Variants in CRYBG3 observed in about 807,000 individuals in gnomAD.
The protein encoded by CRYBG3 is very large A-kinase anchor protein.
Under a neutral mutation model 244.2 loss-of-function variants are expected in CRYBG3, and 127 were observed. That is an observed-to-expected ratio of 0.52 (90% CI 0.45 to 0.60). The LOEUF is 0.60. Ranked by LOEUF, CRYBG3 falls within the 20% of genes least tolerant of loss-of-function variation. The pLI, the probability that CRYBG3 is intolerant of heterozygous loss-of-function variation, is 0.00. For synonymous variants in CRYBG3, 1,132 were observed against 1,195.8 expected, an observed-to-expected ratio of 0.95 and a Z score of 1.10; for missense variants, 3,325 against 3,442.5, an observed-to-expected ratio of 0.97 and a Z score of 0.85.
Position 97,872,889 on chromosome 3 carries a change from C to A in CRYBG3, c.1695C>A (p.Thr565=), listed in dbSNP as rs1189588432. Residue 565 remains threonine, a synonymous_variant, in exon 4 of 22, where the codon ACC becomes ACA. Transcript: ENST00000389622. ...AAGATACTGACCAATACTTTGAAAC[C>A]AAAGCCAAAAAGCTTGATTTTAGGT... ...LPKDTDQYFE[T]KAKKLDFRSH... is the part of the protein sequence containing the mutation. 1 of 1,530,484 alleles carries A rather than the reference C, an allele frequency of 6.5e-7. No homozygotes were observed. Among genetic ancestry groups the A allele is most frequent in the Non-Finnish European group, 8.7e-7 (1 of 1,145,508 alleles). 94.8% of individuals were successfully genotyped at this position (1,530,484 alleles called of 1,614,324 possible).
Position 97,875,015 on chromosome 3 carries a change from AAG to A in CRYBG3, c.3825_3826del (p.Lys1276AlafsTer9), listed in dbSNP as rs1187324993. 6.5e-7 allele frequency: 1 copy of A among 1,535,894 alleles called. No homozygotes were observed. Among genetic ancestry groups the A allele is most frequent in the Non-Finnish European group, 8.7e-7 (1 of 1,146,814 alleles). Reference sequence around the variant, plus strand: ...GGCATGGAAAACATGTCAGAAGTCAAAGAGAAGCCCTGTGTTTCACCAACAGT... The same window carrying A: ...GGCATGGAAAACATGTCAGAAGTCAAAGAAGCCCTGTGTTTCACCAACAGT... On this transcript the variant is annotated frameshift_variant, in exon 4 of 22. Coordinates refer to ENST00000389622, the MANE Select transcript of CRYBG3 (RefSeq NM_153605.4). LOFTEE classifies it high-confidence loss of function.
chr3:97,893,068 C>T, intron 11 of CRYBG3, 75 bp downstream of exon 11: 1 of 1,300,928 alleles, frequency 7.7e-7, no homozygotes, highest in Non-Finnish European at 1.1e-6. Context: ...CTAAGCAAAG[C>T]AAAAATGATT....
chr3:97,828,339 C>T (rs1185351424), intron 1 of CRYBG3, among the ~76,000 whole-genome samples: 1 of 151,986 alleles, frequency 6.6e-6, no homozygotes, highest in Non-Finnish European at 1.5e-5. Context: ...CCAAAAGTTG[C>T]CTATAGAAGT....
chr3:97,912,304 C>A, intron 16 of CRYBG3, 28 bp downstream of exon 16: 1 of 1,180,180 alleles, frequency 8.5e-7, no homozygotes, highest in Non-Finnish European at 1.2e-6. Context: ...GTGGTTTCTG[C>A]TGTTATTTAA....
rs938431731 is a variant in CRYBG3 at position 97,864,589 on chromosome 3, G to A, written c.589G>A (p.Asp197Asn). The A allele has an allele frequency of 6.5e-7, 1 of 1,535,698 alleles. No homozygotes were observed. Among genetic ancestry groups the A allele is most frequent in the Non-Finnish European group, 8.7e-7 (1 of 1,146,732 alleles). ...AGACTCTAACTCATCCGAACTCTCA[G>A]ATGCTTTTTCTTTGGATACAACACA... The part of the protein sequence containing the change: ...EQDSNSSELS[D>N]AFSLDTTQDS... Residue 197 changes from aspartate to asparagine, a missense_variant, in exon 3 of 22, where the codon GAT becomes AAT. Asp to Asn is a conservative substitution (Grantham distance 23, BLOSUM62 1). Coordinates refer to ENST00000389622, the MANE Select transcript of CRYBG3 (RefSeq NM_153605.4).
intron 1 of CRYBG3, 73 bp downstream of exon 1, chr3:97,822,428 C>G (rs988907438): frequency 2.3e-5 from 30 of 1,327,358 alleles, no homozygotes; most frequent in Admixed American, 6.4e-5. Flanking sequence ...GCCTGACCGC[C>G]GGCAGCGGGC....
chr3:97,889,150 C>T (rs2039543083), intron 9 of CRYBG3, among the ~76,000 whole-genome samples: 1 of 152,138 alleles, frequency 6.6e-6, no homozygotes, highest in South Asian at 2.1e-4. Context: ...GCCCCATCTA[C>T]ATTGATGAGG....
chr3:97,884,521 T>C (rs1413439638), intron 7 of CRYBG3, among the ~76,000 whole-genome samples: 1 of 152,176 alleles, frequency 6.6e-6, no homozygotes. Context: ...GCCATAATAG[T>C]ATAAGTTTGC....
At chr3:97,860,730 A>G (rs1013236405) in intron 2 of CRYBG3, among the ~76,000 whole-genome samples, 19 of 152,046 alleles carry the variant, frequency 1.2e-4, no homozygotes, top group Admixed American at 1.0e-3. Context: ...GATCTCTGGT[A>G]TTCTATAGAG....
At position 97,936,597 on chromosome 3, in the gene CRYBG3, A is replaced by G. The variant is rs573519152; in HGVS notation, c.8382-188A>G. Among the ~76,000 whole-genome samples, 3 of 152,164 alleles carry G rather than the reference A, an allele frequency of 2.0e-5. No homozygotes were observed. The South Asian group carries it at 6.2e-4, about 32-fold the overall frequency. ...AACCAGCATTGTAACTGGAACCCAA[A>G]TCTTCTGAGTCTAGGCCAGTGGGTT... On this transcript the variant is annotated intron_variant, in intron 18 of 21. Coordinates refer to ENST00000389622, the MANE Select transcript of CRYBG3 (RefSeq NM_153605.4).
Position 97,876,033 on chromosome 3 carries a change from T to A in CRYBG3, c.4839T>A (p.Ala1613=). 1.6e-6 allele frequency: 2 copies of A among 1,232,066 alleles called. No homozygotes were observed. The highest frequency in any genetic ancestry group is 3.1e-5 in the African/African-American group (2 of 64,510). 76.3% of individuals were successfully genotyped at this position (1,232,066 alleles called of 1,614,324 possible). ...ESCIEKTEGS[A]VILGMEKAYK... is the part of the protein sequence containing the mutation. ...GTATTGAAAAAACTGAGGGATCAGC[T>A]GTCATTTTAGGAATGGAAAAAGCTT... The change falls in exon 4 of 22, where the codon GCT becomes GCA. Residue 1613 remains alanine (A), a synonymous_variant. Coordinates refer to ENST00000389622, the MANE Select transcript of CRYBG3 (RefSeq NM_153605.4).
chr3:97,881,566 A>C (rs976376327), intron 7 of CRYBG3, among the ~76,000 whole-genome samples: 4 of 151,852 alleles, frequency 2.6e-5, no homozygotes, highest in African/African-American at 7.2e-5. Context: ...AAATACAAAA[A>C]TTGGCCGGGC....
intron 19 of CRYBG3, among the ~76,000 whole-genome samples, chr3:97,939,286 T>G (rs936317179): frequency 1.3e-5 from 2 of 152,062 alleles, no homozygotes; most frequent in Non-Finnish European, 2.9e-5. Flanking sequence ...AAAATAATAT[T>G]TTAATAGATT....
intron 15 of CRYBG3, among the ~76,000 whole-genome samples, chr3:97,907,397 T>G (rs1031956050): frequency 1.3e-5 from 2 of 151,908 alleles, no homozygotes; most frequent in Non-Finnish European, 2.9e-5. Context: ...TGGTTGGTAA[T>G]CTATTGATTA....
At chr3:97,896,716 T>G (rs78396248) in intron 12 of CRYBG3, among the ~76,000 whole-genome samples, 1,785 of 152,310 alleles carry the variant, frequency 0.012, 24 homozygotes, top group African/African-American at 0.04. Flanking sequence ...CATTTTGGAT[T>G]GTCATATCTG....
intron 19 of CRYBG3, among the ~76,000 whole-genome samples, chr3:97,940,390 T>A (rs1438918240): frequency 2.0e-5 from 3 of 152,056 alleles, no homozygotes; most frequent in African/African-American, 7.2e-5. Context: ...TGTACTTTCT[T>A]AATAGGTTTT....
In CRYBG3 at chr3:97,873,044, G is replaced by A. The variant is rs1466932303; in HGVS notation, c.1850G>A (p.Arg617Lys). The A allele has an allele frequency of 6.5e-7, 1 of 1,535,004 alleles. No homozygotes were observed. Among genetic ancestry groups the A allele is most frequent in the Admixed American group, 2.0e-5 (1 of 50,788 alleles). Residue 617 changes from arginine to lysine, a missense_variant, in exon 4 of 22, where the codon AGA (arginine) becomes AAA (lysine). This residue lies in a region of CRYBG3 where 1,526 missense variants were observed against 1,443.2 expected (regional missense o/e 1.06). Coordinates refer to ENST00000389622, the MANE Select transcript of CRYBG3 (RefSeq NM_153605.4). Reference sequence around the variant, plus strand: ...CCTGAGTTGAAATTTGAACTTAATAGAAGTCACATTTCAGAAACTCCTCTT... The same window carrying A: ...CCTGAGTTGAAATTTGAACTTAATAAAAGTCACATTTCAGAAACTCCTCTT... ...NAPELKFELN[R>K]SHISETPLDS...
At chr3:97,850,127 G>A (rs1467332163) in intron 2 of CRYBG3, among the ~76,000 whole-genome samples, 1 of 151,990 alleles carries the variant, frequency 6.6e-6, no homozygotes, top group African/African-American at 2.4e-5. Flanking sequence ...TGCTATTTCT[G>A]GAAGTACCAC....
At position 97,875,200 on chromosome 3, in the gene CRYBG3, C is replaced by T; in HGVS notation, c.4006C>T (p.Leu1336Phe). ...TACTGAGGATACTTGGGATTCTGAA[C>T]TTCAGGCTAATACTTCAAAAATTCT... ...EDTEDTWDSE[L>F]QANTSKILNS... Residue 1336 changes from leucine (L) to phenylalanine (F), a missense_variant, in exon 4 of 22, where the codon CTT becomes TTT. Leu to Phe is a conservative substitution (Grantham distance 22). This residue lies in a region of CRYBG3 where 635 missense variants were observed against 771.7 expected (regional missense o/e 0.82). Transcript: ENST00000389622. The T allele has an allele frequency of 6.5e-7, 1 of 1,535,170 alleles. No individual in the cohort carries two copies. Among genetic ancestry groups the T allele is most frequent in the South Asian group, 1.2e-5 (1 of 83,790 alleles).
Sources: allele counts gnomAD v4.1 joint callset (sites outside exome capture counted in the v4.1 genomes callset), GRCh38; gene constraint gnomAD v4.1.1; regional missense constraint gnomAD v4.1.1; transcripts MANE v1.5; gene names NCBI Gene and HGNC (gene_info 2026-07-23, HGNC 2026-07-21).